IRAG2: variants seen among roughly 807,000 people sequenced by gnomAD.
IRAG2 encodes lymphoid restricted membrane protein.
In IRAG2, 45 loss-of-function variants were observed where a neutral mutation model predicts 69.9. The ratio of observed to expected loss-of-function variants is 0.64; its 90% CI spans 0.51 to 0.83. IRAG2 has a LOEUF of 0.83. Ranked by LOEUF, IRAG2 falls within the 40% of genes least tolerant of loss-of-function variation. IRAG2 has a pLI of 0.00. For synonymous variants in IRAG2, 193 were observed against 202.4 expected, an observed-to-expected ratio of 0.95 and a Z score of 0.40; for missense variants, 520 against 587.0, an observed-to-expected ratio of 0.89 and a Z score of 1.18.
At chr12:25,087,858 TAGG>T (rs1565575661) in intron 10 of IRAG2, among the ~76,000 whole-genome samples, 1 of 152,134 alleles carries the variant, frequency 6.6e-6, no homozygotes. Context: ...GCATGTTCCT[TAGG>T]AGAATAACGC....
At chr12:25,085,990 T>C (rs1468318146) in intron 10 of IRAG2, among the ~76,000 whole-genome samples, 1 of 152,124 alleles carries the variant, frequency 6.6e-6, no homozygotes, top group East Asian at 1.9e-4. Context: ...ATGCTGAAAA[T>C]GGTTGCTCCT....
intron 1 of IRAG2, among the ~76,000 whole-genome samples, chr12:25,060,158 T>A (rs116284749): frequency 0.011 from 1,721 of 152,292 alleles, 30 homozygotes; most frequent in African/African-American, 0.039. Flanking sequence ...TGGTGAAAAT[T>A]ATGTATATAC....
intron 5 of IRAG2, 121 bp from the exon 6 acceptor site, chr12:25,069,229 A>G (rs1946172973): frequency 1.9e-6 from 1 of 524,450 alleles, no homozygotes; most frequent in Non-Finnish European, 3.4e-6. Flanking sequence ...CATGAACTTA[A>G]TTAGAAATTT....
intron 6 of IRAG2, among the ~76,000 whole-genome samples, chr12:25,077,067 T>C (rs1272672559): frequency 6.7e-6 from 1 of 150,046 alleles, no homozygotes; most frequent in South Asian, 2.1e-4. Flanking sequence ...TGGGGTATTG[T>C]CATGTTGCTC....
chr12:25,018,193 CTT>C (rs56659655), intron 6 of IRAG2, among the ~76,000 whole-genome samples: 13 of 105,518 alleles, frequency 1.2e-4, no homozygotes, highest in African/African-American at 3.2e-4. Context: ...TTTCTTTCTT[CTT>C]TTTTTTTTTT....
At chr12:25,076,330 A>G in intron 6 of IRAG2, 1 of 766,430 alleles carries the variant, frequency 1.3e-6, no homozygotes, top group Non-Finnish European at 1.6e-6. Flanking sequence ...TATTTGTTTA[A>G]TCAATAAATA....
upstream of IRAG2, chr12:25,052,696 A>C: frequency 2.5e-6 from 1 of 397,934 alleles, no homozygotes; most frequent in Non-Finnish European, 4.4e-6. Flanking sequence ...GAGAAGAAAA[A>C]CACATTTTCA....
At chr12:25,035,726 T>C in exon 14 of IRAG2, 1 of 399,064 alleles carries the variant, frequency 2.5e-6, no homozygotes, top group Non-Finnish European at 4.4e-6. Context: ...CAGGAAATGC[T>C]GCTATTACTA....
At chr12:25,031,584 C>A (rs1488702002) in intron 10 of IRAG2, among the ~76,000 whole-genome samples, 1 of 152,128 alleles carries the variant, frequency 6.6e-6, no homozygotes, top group Non-Finnish European at 1.5e-5. Context: ...GAGTTTGATT[C>A]CACTGGGTCA....
chr12:25,070,529 T>G (rs1434807026), intron 6 of IRAG2, among the ~76,000 whole-genome samples: 2 of 152,252 alleles, frequency 1.3e-5, no homozygotes, highest in African/African-American at 4.8e-5. Flanking sequence ...CATTTTGTTT[T>G]TCCATTCATC....
chr12:25,060,425 A>G (rs1344765388), intron 1 of IRAG2, among the ~76,000 whole-genome samples: 2 of 152,130 alleles, frequency 1.3e-5, no homozygotes, highest in African/African-American at 4.8e-5. Context: ...AGAAAAACAA[A>G]TATTTTTAGT....
rs192546695 is a variant in IRAG2, at chr12:25,024,165, T to C, written c.1383+244T>C. Among the ~76,000 whole-genome samples the C allele has an allele frequency of 9.8e-5, 15 of 152,304 alleles. No homozygotes were observed. The East Asian group carries it at 2.3e-3, about 23-fold the overall frequency. On this transcript the variant is annotated intron_variant, in intron 8 of 38. Transcript: ENST00000636465. ...TAAGAAATTCAAATTTAAGATGAAA[T>C]ACAATGAACCCATCTAAAAAATATC...
chr12:25,017,032 C>A (rs1462076715), intron 5 of IRAG2: 14 of 803,250 alleles, frequency 1.7e-5, no homozygotes, highest in East Asian at 3.6e-5. Flanking sequence ...AAAAAAAAAA[C>A]TCACCAGAAT....
At chr12:25,017,263 C>G (rs1944537737) in exon 6 of IRAG2, 1 of 1,232,028 alleles carries the variant, frequency 8.1e-7, no homozygotes, top group Admixed American at 4.2e-5. Flanking sequence ...TATCAGAGGA[C>G]TGTACCGAAT....
At chr12:25,034,323 T>C (rs1944689640) in intron 13 of IRAG2, among the ~76,000 whole-genome samples, 1 of 152,224 alleles carries the variant, frequency 6.6e-6, no homozygotes, top group Non-Finnish European at 1.5e-5. Flanking sequence ...AATATATTTA[T>C]CAAAAAATAA....
exon 1 of IRAG2, chr12:25,004,588 G>T: frequency 8.1e-7 from 1 of 1,232,042 alleles, no homozygotes; most frequent in African/African-American, 1.6e-5. Context: ...TGAGGAAGTC[G>T]ATGCCTTCAT....
rs139194488 is a variant in IRAG2 at position 25,046,263 on chromosome 12, A to G, written c.2145-5972A>G. 6.6e-5 allele frequency among the ~76,000 whole-genome samples: 10 copies of G among 152,266 alleles called. No individual in the cohort carries two copies. In the South Asian group the frequency reaches 8.3e-4, roughly 13 times the overall value. ...TGAAAAACTCAGTGAACATCACTCA[A>G]TGGTAAAACACAAAGTTTTTCCTCT... On this transcript the variant is annotated intron_variant, in intron 16 of 38. Transcript: ENST00000636465.
At chr12:25,066,575 C>T (rs1396008110) in intron 5 of IRAG2, 63 bp downstream of exon 5, 8 of 396,740 alleles carry the variant, frequency 2.0e-5, no homozygotes, top group Admixed American at 4.4e-5. Flanking sequence ...CATTGCCTAA[C>T]ATTTTAATTG....
intron 12 of IRAG2, among the ~76,000 whole-genome samples, chr12:25,032,958 C>T (rs60916937): frequency 7.3e-6 from 1 of 136,550 alleles, no homozygotes; most frequent in Non-Finnish European, 1.6e-5. Context: ...CTCTTTCTTT[C>T]TTTTTTTTTT....
Sources: gnomAD v4.1 joint callset for allele counts (sites outside exome capture counted in the v4.1 genomes callset) on GRCh38, gnomAD v4.1.1 for gene constraint, MANE v1.5 for transcripts, NCBI Gene and HGNC (gene_info 2026-07-23, HGNC 2026-07-21) for gene names.